The following EXOC3L1 variants were observed in gnomAD, a reference collection of about 807,000 sequenced individuals.
EXOC3L1 encodes the protein exocyst complex component 3 like 1.
Under a neutral mutation model 83.6 loss-of-function variants are expected in EXOC3L1, and 79 were observed. The ratio of observed to expected loss-of-function variants is 0.95; its 90% CI spans 0.79 to 1.14. EXOC3L1 has a LOEUF of 1.14. Ranked by LOEUF, EXOC3L1 falls within the 50% of genes most tolerant of loss-of-function variation. The probability of loss-of-function intolerance (pLI) is 0.00; values close to 1 mark genes in which losing one functional copy is unlikely to be tolerated. For missense variants in EXOC3L1, 945 were observed against 972.0 expected (o/e 0.97, Z 0.37); for synonymous variants, 433 against 451.2 (o/e 0.96, Z 0.51).
chr16:67,186,710 C>T (rs776066628), intron 7 of EXOC3L1, 49 bp downstream of exon 7: 6 of 1,612,898 alleles, frequency 3.7e-6, no homozygotes. Context: ...TCCTCTCCTC[C>T]CCACTGCCCC....
In EXOC3L1 at chr16:67,185,030, C is replaced by G. The variant is rs768257010; in HGVS notation, c.1777G>C (p.Val593Leu). 4 of 1,608,756 alleles carry G rather than the reference C, an allele frequency of 2.5e-6. No homozygotes were observed. Among genetic ancestry groups the G allele is most frequent in the East Asian group, 2.2e-5 (1 of 44,774 alleles). ...AGCGCGCTCAGGTACTGGAGCACCA[C>G]GGCACGCTCGGCCTCAGCCAGCAGC... is the stretch of plus-strand genomic sequence containing the variant. ...QLLLAEAERA[V>L]VLQYLSALMQ... Residue 593 changes from valine (V) to leucine (L), a missense_variant, in exon 12 of 14, where the codon GTG becomes CTG. By Grantham distance (32) the Val-to-Leu change is conservative (BLOSUM62 1). Transcript: ENST00000314586.
Position 67,186,812 on chromosome 16 carries a change from T to TGG in EXOC3L1, c.1229_1230dup (p.Asn411ProfsTer51). On this transcript the variant is annotated frameshift_variant, in exon 7 of 14. Transcript: ENST00000314586. LOFTEE classifies it high-confidence loss of function. ...TAATAGGAGCCAGACGGGTCTGTGT[T>TGG]GGGCCCATGCTCCCGGCCCCACTCA... 6.2e-7 allele frequency: 1 copy of TGG among 1,613,656 alleles called. No individual in the cohort carries two copies. Among genetic ancestry groups the TGG allele is most frequent in the Non-Finnish European group, 8.5e-7 (1 of 1,180,006 alleles).
chr16:67,188,617 C>T (rs2032795525), intron 4 of EXOC3L1, 104 bp downstream of exon 4: 10 of 1,111,924 alleles, frequency 9.0e-6, no homozygotes, highest in Non-Finnish European at 1.3e-5. Context: ...CCCTGGTGTG[C>T]TGCTCTATGC....
chr16:67,189,402 G>A (rs549228527), intron 2 of EXOC3L1, among the ~76,000 whole-genome samples: 11 of 152,130 alleles, frequency 7.2e-5, no homozygotes, highest in East Asian at 1.9e-4. Context: ...TCAGTCTCCC[G>A]AGGAGCTGGG....
At chr16:67,186,196 G>C (rs908190853) in intron 9 of EXOC3L1, 41 bp downstream of exon 9, 12 of 1,350,320 alleles carry the variant, frequency 8.9e-6, no homozygotes, top group Non-Finnish European at 1.2e-5. Flanking sequence ...TACTCAATAG[G>C]GGGTTAGTGA....
chr16:67,184,815 G>A lies in EXOC3L1; in HGVS notation c.1906-5C>T. 6.2e-7 allele frequency: 1 copy of A among 1,603,730 alleles called. No homozygotes were observed. Among genetic ancestry groups the A allele is most frequent in the Non-Finnish European group, 8.5e-7 (1 of 1,179,630 alleles). Reference sequence around the variant, plus strand: ...GTGCGCGTTCTCCTCCAGGCCCTGAGCACGTCGGGGTAGGGTCTCGCGCCA... The same window carrying A: ...GTGCGCGTTCTCCTCCAGGCCCTGAACACGTCGGGGTAGGGTCTCGCGCCA... On this transcript the variant is annotated splice_polypyrimidine_tract_variant and splice_region_variant and intron_variant, in intron 12 of 13. Coordinates refer to ENST00000314586, the MANE Select transcript of EXOC3L1 (RefSeq NM_178516.4).
intron 1 of EXOC3L1, 117 bp downstream of exon 1, chr16:67,189,854 C>T: frequency 1.6e-6 from 1 of 637,574 alleles, no homozygotes; most frequent in Admixed American, 2.7e-5. Context: ...GAGGCTTTGC[C>T]TGCTAGGTTT....
In EXOC3L1 at chr16:67,188,946, G is replaced by T; in HGVS notation, c.208-6C>A. On this transcript the variant is annotated splice_region_variant and splice_polypyrimidine_tract_variant and intron_variant, in intron 3 of 13. Coordinates refer to ENST00000314586, the MANE Select transcript of EXOC3L1 (RefSeq NM_178516.4). ...AGGTATGACTGCATCACTGACTGTG[G>T]AAAGATGGAGCCATGAGGCTGGGCC... 6.2e-7 allele frequency: 1 copy of T among 1,611,828 alleles called. No individual in the cohort carries two copies. The highest frequency in any genetic ancestry group is 8.5e-7 in the Non-Finnish European group (1 of 1,179,074).
rs1443175626 is a variant in EXOC3L1 at position 67,186,864 on chromosome 16, C to T, written c.1179G>A (p.Leu393=). The change falls in exon 7 of 14, where the codon CTG becomes CTA. Residue 393 remains leucine, a synonymous_variant. Transcript: ENST00000314586. Reference sequence around the variant, plus strand: ...CTACCTCCCCATCCAGTGCATTCTGCAGCCACTGAGACACACTTGCCTGGG... The same window carrying T: ...CTACCTCCCCATCCAGTGCATTCTGTAGCCACTGAGACACACTTGCCTGGG... ...ANIQASVSQW[L]QNALDGEVAE... The T allele has an allele frequency of 6.2e-6, 10 of 1,613,544 alleles. No homozygotes were observed. Among genetic ancestry groups the T allele is most frequent in the East Asian group, 2.2e-5 (1 of 44,904 alleles).
rs1474413453 is a variant in EXOC3L1 at position 67,187,479 on chromosome 16, C to A, written c.786G>T (p.Gly262=). ...LQEGLEQAHF[G]SPLLPAPGAL... ...CCCCTGGTGCAGGCAGCAGAGGTGA[C>A]CCAAAGTGGGCCTGCTCCAGGCCCT... The change falls in exon 5 of 14, where the codon GGG becomes GGT. Residue 262 remains glycine, a synonymous_variant. Coordinates refer to ENST00000314586, the MANE Select transcript of EXOC3L1 (RefSeq NM_178516.4). 3 of 1,606,108 alleles carry A rather than the reference C, an allele frequency of 1.9e-6. No individual in the cohort carries two copies. Among genetic ancestry groups the A allele is most frequent in the Admixed American group, 3.3e-5 (2 of 59,956 alleles).
Position 67,190,035 on chromosome 16 carries a change from C to G in EXOC3L1, c.-72G>C, listed in dbSNP as rs113969481. On this transcript the variant is annotated 5_prime_UTR_variant, in exon 1 of 14. Transcript: ENST00000314586. ...CCTTGGCCTTGAGAACAGCCCTCTC[C>G]CCAATGCAGCTGGGCACGCCTGCCA... 15 of 233,840 alleles carry G rather than the reference C, an allele frequency of 6.4e-5. No individual in the cohort carries two copies. The highest frequency in any genetic ancestry group is 2.3e-4 in the African/African-American group (10 of 44,322). 14.5% of individuals were successfully genotyped at this position (233,840 alleles called of 1,614,324 possible).
Position 67,184,478 on chromosome 16 carries a change from G to C in EXOC3L1, c.2157C>G (p.Phe719Leu). The C allele has an allele frequency of 2.6e-6, 4 of 1,528,298 alleles. No homozygotes were observed. Among genetic ancestry groups the C allele is most frequent in the Non-Finnish European group, 3.5e-6 (4 of 1,143,876 alleles). 94.7% of individuals were successfully genotyped at this position (1,528,298 alleles called of 1,614,324 possible). ...PSPRASRRVL[F>L]SLVPAPALAP... ...CGAGCGCGGGCGCGGGCACTAGGCT[G>C]AAGAGGACGCGGCGGCTCGCGCGGG... The change falls in exon 14 of 14, where the codon TTC (phenylalanine) becomes TTG (leucine). Residue 719 changes from phenylalanine to leucine, a missense_variant. Transcript: ENST00000314586.
intron 4 of EXOC3L1, 87 bp from the exon 5 acceptor site, chr16:67,187,924 G>A (rs1597271077): frequency 4.1e-6 from 6 of 1,463,048 alleles, no homozygotes; most frequent in African/African-American, 2.8e-5. Context: ...GGCCCAGGGC[G>A]GGGGTGATGC....
At chr16:67,186,930 C>G in intron 6 of EXOC3L1, 46 bp from the exon 7 acceptor site, 10 of 1,612,848 alleles carry the variant, frequency 6.2e-6, no homozygotes, top group Non-Finnish European at 8.5e-6. Context: ...GGGATCTGAC[C>G]CTGCTGGAGA....
In EXOC3L1 at chr16:67,189,178, G is replaced by T; in HGVS notation, c.49C>A (p.Pro17Thr). The T allele has an allele frequency of 6.3e-7, 1 of 1,594,640 alleles. No individual in the cohort carries two copies. ...GCCCGCTCCTGCTCTGGCCACTCAG[G>T]TCCTGGGAAGGAAGAGCCTGGGCAG... is the stretch of plus-strand genomic sequence containing the variant. Reference protein sequence around the residue: ...DEMQPALSPGPEWPEQERAEQ... With the variant: ...DEMQPALSPGTEWPEQERAEQ... The change falls in exon 3 of 14, where the codon CCT becomes ACT. Residue 17 changes from proline (P) to threonine (T), a missense_variant and splice_region_variant. Pro to Thr is a conservative substitution (Grantham distance 38). Coordinates refer to ENST00000314586, the MANE Select transcript of EXOC3L1 (RefSeq NM_178516.4).
Position 67,184,471 on chromosome 16 carries a change from C to G in EXOC3L1, c.2164G>C (p.Val722Leu). The G allele has an allele frequency of 9.2e-6, 14 of 1,528,906 alleles. No individual in the cohort carries two copies. Among genetic ancestry groups the G allele is most frequent in the Non-Finnish European group, 1.2e-5 (14 of 1,144,334 alleles). 94.7% of individuals were successfully genotyped at this position (1,528,906 alleles called of 1,614,324 possible). The change falls in exon 14 of 14, where the codon GTG becomes CTG. Residue 722 changes from valine to leucine, a missense_variant. Coordinates refer to ENST00000314586, the MANE Select transcript of EXOC3L1 (RefSeq NM_178516.4). ...GCCGGCGCGAGCGCGGGCGCGGGCA[C>G]TAGGCTGAAGAGGACGCGGCGGCTC... ...RASRRVLFSL[V>L]PAPALAPASC...
chr16:67,185,388 C>G lies in EXOC3L1; in HGVS notation c.1599G>C (p.Val533=). The G allele has an allele frequency of 6.2e-7, 1 of 1,612,848 alleles. No homozygotes were observed. The part of the protein sequence containing the change: ...DELQRRIYRL[V]LEALQAELQP... ...GGAGCTCCGCCTGCAGCGCCTCCAA[C>G]ACCAAGCGGTAGATCCTCCTCTGCA... is the stretch of plus-strand genomic sequence containing the variant. Residue 533 remains valine (V), a synonymous_variant, in exon 10 of 14, where the codon GTG becomes GTC. Transcript: ENST00000314586.
chr16:67,186,782 G>A lies in EXOC3L1; in HGVS notation c.1261C>T (p.Pro421Ser). The change falls in exon 7 of 14, where the codon CCA (proline) becomes TCA (serine). Residue 421 changes from proline (P) to serine (S), a missense_variant. Coordinates refer to ENST00000314586, the MANE Select transcript of EXOC3L1 (RefSeq NM_178516.4). Reference sequence around the variant, plus strand: ...ACCTGCAGCACAATGGCTGGCATTGGTGAGTAATAGGAGCCAGACGGGTCT... The same window carrying A: ...ACCTGCAGCACAATGGCTGGCATTGATGAGTAATAGGAGCCAGACGGGTCT... ...NTDPSGSYYS[P>S]MPAIVLQILE... The A allele has an allele frequency of 6.2e-7, 1 of 1,613,768 alleles. No individual in the cohort carries two copies. Among genetic ancestry groups the A allele is most frequent in the Non-Finnish European group, 8.5e-7 (1 of 1,180,024 alleles).
Position 67,188,964 on chromosome 16 carries a change from G to T in EXOC3L1, c.208-24C>A, listed in dbSNP as rs781177148. ...GACTGTGGAAAGATGGAGCCATGAGGCTGGGCCAGCCCTGCAGCACAGTCC... is the reference window on the plus strand; with the variant it reads ...GACTGTGGAAAGATGGAGCCATGAGTCTGGGCCAGCCCTGCAGCACAGTCC... On this transcript the variant is annotated intron_variant, in intron 3 of 13. Coordinates refer to ENST00000314586, the MANE Select transcript of EXOC3L1 (RefSeq NM_178516.4). The T allele has an allele frequency of 5.0e-6, 8 of 1,610,390 alleles. No individual in the cohort carries two copies. The Admixed American group carries it at 1.2e-4, about 24-fold the overall frequency.
Sources: gnomAD v4.1 joint callset for allele counts (sites outside exome capture counted in the v4.1 genomes callset) on GRCh38, gnomAD v4.1.1 for gene constraint, MANE v1.5 for transcripts, NCBI Gene and HGNC (gene_info 2026-07-23, HGNC 2026-07-21) for gene names.